The following KCNMA1 variants were observed in gnomAD, a reference collection of about 807,000 sequenced individuals.
The protein encoded by KCNMA1 is Calcium-activated potassium channel subunit alpha-1.
KCNMA1 carries 29 observed loss-of-function variants against 140.0 expected under a neutral mutation model. That is an observed-to-expected ratio of 0.21 (90% CI 0.15 to 0.28). KCNMA1 has a LOEUF of 0.28. Among genes scored for constraint, KCNMA1 ranks in the 10% least tolerant of loss-of-function variants. KCNMA1 has a pLI of 1.00. For missense variants in KCNMA1, 880 were observed against 1,602.2 expected (o/e 0.55, Z 7.70); for synonymous variants, 612 against 611.9 (o/e 1.00, Z 0.00).
intron 1 of KCNMA1, among the ~76,000 whole-genome samples, chr10:77,490,388 C>T (rs150734380): frequency 1.4e-3 from 213 of 152,288 alleles, no homozygotes; most frequent in African/African-American, 4.9e-3. Context: ...AGCCTGATTC[C>T]AGCAAGTGGC....
chr10:77,549,688 C>T lies in KCNMA1; in HGVS notation c.378+87577G>A, dbSNP rs191368478. 2.3e-3 allele frequency among the ~76,000 whole-genome samples: 353 copies of T among 152,316 alleles called. 2 individuals are homozygous for T. Among genetic ancestry groups the T allele is most frequent in the Middle Eastern group, 6.8e-3 (2 of 294 alleles). The stretch of plus-strand genomic sequence containing the variant: ...CCATTCATTTCCTTTTTTCTGTCTC[C>T]ACATTTTCAGTAACGTCCTGTCTAA... On this transcript the variant is annotated intron_variant, in intron 1 of 27. Transcript: ENST00000286628.
chr10:77,481,787 A>AG (rs2098401060), intron 1 of KCNMA1, among the ~76,000 whole-genome samples: 1 of 151,696 alleles, frequency 6.6e-6, no homozygotes, highest in Non-Finnish European at 1.5e-5. Flanking sequence ...AAAAAAAAAA[A>AG]AAAAGAAAGA....
At chr10:77,015,053 T>A (rs935999954) in intron 17 of KCNMA1, among the ~76,000 whole-genome samples, 2 of 152,136 alleles carry the variant, frequency 1.3e-5, no homozygotes, top group Non-Finnish European at 2.9e-5. Flanking sequence ...AAAACAGCTC[T>A]CTCTCCTCTC....
intron 17 of KCNMA1, among the ~76,000 whole-genome samples, chr10:77,014,464 A>G (rs1203244066): frequency 6.6e-6 from 1 of 151,864 alleles, no homozygotes; most frequent in Non-Finnish European, 1.5e-5. Context: ...CTGTCTTTGC[A>G]ATTTTCTGGT....
intron 1 of KCNMA1, among the ~76,000 whole-genome samples, chr10:77,454,738 C>T (rs1418853591): frequency 6.6e-6 from 1 of 152,192 alleles, no homozygotes; most frequent in African/African-American, 2.4e-5. Context: ...GTGGAGCATA[C>T]TCAAAATGTC....
intron 1 of KCNMA1, among the ~76,000 whole-genome samples, chr10:77,566,982 G>A (rs1305426232): frequency 1.3e-5 from 2 of 152,056 alleles, no homozygotes; most frequent in Admixed American, 1.3e-4. Context: ...TTTGTCCTGT[G>A]GCTAGTTTTA....
chr10:77,226,877 C>T (rs1246271605), intron 3 of KCNMA1, among the ~76,000 whole-genome samples: 1 of 152,170 alleles, frequency 6.6e-6, no homozygotes, highest in Non-Finnish European at 1.5e-5. Flanking sequence ...TAGCCAAAAA[C>T]CAGAAGAGTA....
downstream of KCNMA1, chr10:76,876,380 G>A (rs1412285727): frequency 6.6e-6 from 1 of 152,596 alleles, no homozygotes; most frequent in Non-Finnish European, 1.5e-5. Flanking sequence ...TGAAAGACTT[G>A]CTAAGTTGAT....
intron 1 of KCNMA1, among the ~76,000 whole-genome samples, chr10:77,494,581 G>C (rs1037532479): frequency 6.6e-6 from 1 of 152,220 alleles, no homozygotes; most frequent in Admixed American, 6.5e-5. Context: ...CCACCCAGAT[G>C]GGGAGGCCTT....
intron 2 of KCNMA1, among the ~76,000 whole-genome samples, chr10:77,368,604 T>C (rs1037067701): frequency 1.3e-5 from 2 of 152,270 alleles, no homozygotes; most frequent in African/African-American, 4.8e-5. Flanking sequence ...CATGTCTAAC[T>C]TACCTAAGTT....
intron 10 of KCNMA1, among the ~76,000 whole-genome samples, chr10:77,088,121 C>T (rs529606719): frequency 4.1e-4 from 62 of 152,028 alleles, no homozygotes; most frequent in African/African-American, 1.5e-3. Context: ...CCACCATGCC[C>T]GGCTAATTTT....
chr10:77,451,800 T>C (rs1446975271), intron 1 of KCNMA1, among the ~76,000 whole-genome samples: 1 of 152,192 alleles, frequency 6.6e-6, no homozygotes, highest in Non-Finnish European at 1.5e-5. Context: ...TGGATGTTTT[T>C]TCTCCCCAGG....
At chr10:77,029,978 A>G (rs948829626) in intron 15 of KCNMA1, among the ~76,000 whole-genome samples, 5 of 152,234 alleles carry the variant, frequency 3.3e-5, no homozygotes, top group African/African-American at 1.2e-4. Context: ...TTAAAAGAGA[A>G]AAGTGACATA....
At chr10:77,310,695 T>C (rs2079034603) in intron 2 of KCNMA1, among the ~76,000 whole-genome samples, 2 of 152,204 alleles carry the variant, frequency 1.3e-5, no homozygotes, top group South Asian at 4.1e-4. Context: ...TGTTTTAAGA[T>C]CATGAATTGT....
chr10:77,079,638 T>C (rs1321782369), intron 12 of KCNMA1, 88 bp from the exon 13 acceptor site: 2 of 917,298 alleles, frequency 2.2e-6, no homozygotes, highest in Non-Finnish European at 3.6e-6. Context: ...CCAAATGGGG[T>C]ACCCATGGGA....
chr10:77,593,146 C>A (rs924736272), intron 1 of KCNMA1, among the ~76,000 whole-genome samples: 1 of 152,182 alleles, frequency 6.6e-6, no homozygotes, highest in Non-Finnish European at 1.5e-5. Context: ...AGACATGAGT[C>A]AGGCTGAGAC....
At chr10:77,147,707 C>T (rs1366224370) in intron 5 of KCNMA1, 3 of 152,220 alleles carry the variant, frequency 2.0e-5, no homozygotes, top group Non-Finnish European at 2.9e-5. Context: ...ATCCCACTTC[C>T]CATGGTGAGC....
At chr10:76,910,480 G>A (rs375929655) in intron 24 of KCNMA1, 7 of 311,040 alleles carry the variant, frequency 2.3e-5, no homozygotes, top group African/African-American at 1.3e-4. Flanking sequence ...CAGCCATGCT[G>A]GGATAGTCAT....
intron 2 of KCNMA1, chr10:77,314,181 A>C (rs511084): frequency 1.3e-5 from 2 of 152,088 alleles, no homozygotes; most frequent in African/African-American, 4.8e-5. Context: ...TTGGGTGTAC[A>C]GTGTCTTAAG....
Sources: gnomAD v4.1 joint callset for allele counts (sites outside exome capture counted in the v4.1 genomes callset) on GRCh38, gnomAD v4.1.1 for gene constraint, MANE v1.5 for transcripts, NCBI Gene and HGNC (gene_info 2026-07-23, HGNC 2026-07-21) for gene names.